OCIAD2: variants seen among roughly 807,000 people sequenced by gnomAD.
The protein encoded by OCIAD2 is OCIA domain-containing protein 2.
Under a neutral mutation model 22.9 loss-of-function variants are expected in OCIAD2, and 29 were observed. The observed-to-expected ratio is 1.27, with a 90% CI of 0.94 to 1.73. The LOEUF (loss-of-function observed/expected upper bound fraction) is 1.73, where lower values mean the gene tolerates loss of function less well. Among genes scored for constraint, OCIAD2 ranks in the 40% most tolerant of loss-of-function variants. The pLI, the probability that OCIAD2 is intolerant of heterozygous loss-of-function variation, is 0.00. For missense variants in OCIAD2, 189 were observed against 180.3 expected (o/e 1.05, Z -0.28); for synonymous variants, 67 against 60.2 (o/e 1.11, Z -0.52).
chr4:48,901,083 G>A (rs1430070656), intron 2 of OCIAD2, among the ~76,000 whole-genome samples: 2 of 151,964 alleles, frequency 1.3e-5, no homozygotes, highest in East Asian at 1.9e-4. Flanking sequence ...ATCCATTCTT[G>A]CAAAATGTTC....
At chr4:48,889,935 G>A (rs1236520461) in intron 6 of OCIAD2, among the ~76,000 whole-genome samples, 1 of 152,124 alleles carries the variant, frequency 6.6e-6, no homozygotes, top group Non-Finnish European at 1.5e-5. Flanking sequence ...CATAAAAAAG[G>A]ATGAGCTCAT....
chr4:48,900,155 G>GGT (rs1781385274), intron 2 of OCIAD2, among the ~76,000 whole-genome samples: 1 of 142,490 alleles, frequency 7.0e-6, no homozygotes, highest in Non-Finnish European at 1.6e-5. Flanking sequence ...TTCACTGACT[G>GGT]GCGCAGGCAG....
chr4:48,903,876 ACCTCGTGAT>A (rs1373975517), intron 2 of OCIAD2, among the ~76,000 whole-genome samples: 1 of 151,702 alleles, frequency 6.6e-6, no homozygotes, highest in Non-Finnish European at 1.5e-5. Context: ...CGATCTCTTG[ACCTCGTGAT>A]CCACCCGCCT....
At chr4:48,886,944 T>G (rs1305048233) in intron 6 of OCIAD2, among the ~76,000 whole-genome samples, 1 of 152,214 alleles carries the variant, frequency 6.6e-6, no homozygotes, top group Non-Finnish European at 1.5e-5. Flanking sequence ...TGAACTAGTT[T>G]ACAGTCCCAC....
At chr4:48,906,025 A>G (rs2109689082) in intron 1 of OCIAD2, among the ~76,000 whole-genome samples, 1 of 152,308 alleles carries the variant, frequency 6.6e-6, no homozygotes, top group Middle Eastern at 3.4e-3. Context: ...CCATTTCCTG[A>G]GCACTCCCAG....
At chr4:48,902,762 C>T (rs548121487) in intron 2 of OCIAD2, among the ~76,000 whole-genome samples, 1 of 152,084 alleles carries the variant, frequency 6.6e-6, no homozygotes, top group East Asian at 1.9e-4. Context: ...AGACCAGCCT[C>T]GCCAACATGG....
intron 6 of OCIAD2, among the ~76,000 whole-genome samples, 185 bp from the exon 7 acceptor site, chr4:48,885,750 A>T (rs1258824579): frequency 2.6e-5 from 4 of 152,104 alleles, no homozygotes; most frequent in Non-Finnish European, 5.9e-5. Context: ...CCTCTTGAGT[A>T]GCTGAGACTA....
In OCIAD2 at chr4:48,897,709, C is replaced by G. The variant is rs1046363547; in HGVS notation, c.217+95G>C. On this transcript the variant is annotated intron_variant, in intron 4 of 6. Transcript: ENST00000508632. ...AAGTCTGCATAAATACATCCTTCAC[C>G]AAAAAATAAATGTCAAGGGCCAAAA... The G allele has an allele frequency of 5.5e-6, 5 of 911,374 alleles. No homozygotes were observed. The African/African-American group carries it at 8.3e-5, about 15-fold the overall frequency. 56.5% of individuals were successfully genotyped at this position (911,374 alleles called of 1,614,324 possible).
chr4:48,904,613 T>C lies in OCIAD2; in HGVS notation c.-62-2A>G. On this transcript the variant is annotated splice_acceptor_variant, in intron 1 of 6. Coordinates refer to ENST00000508632, the MANE Select transcript of OCIAD2 (RefSeq NM_001014446.3). LOFTEE classifies it low-confidence loss of function (5UTR_SPLICE). Reference sequence around the variant, plus strand: ...TCTGCTTACTCCTTGACCCAGTGTCTAAGGAAGGTAGAAGAGAATCACTAT... The same window carrying C: ...TCTGCTTACTCCTTGACCCAGTGTCCAAGGAAGGTAGAAGAGAATCACTAT... 1 of 1,419,632 alleles carries C rather than the reference T, an allele frequency of 7.0e-7. No homozygotes were observed. The highest frequency in any genetic ancestry group is 1.1e-5 in the South Asian group (1 of 87,230). The allele number at this position is 1,419,632 out of a possible 1,614,324, so 87.9% of individuals were successfully genotyped here. A position where few individuals can be genotyped will look rare whatever the true frequency, so the allele number is the denominator to read the frequency against.
At chr4:48,901,104 G>T (rs969404015) in intron 2 of OCIAD2, among the ~76,000 whole-genome samples, 2 of 151,840 alleles carry the variant, frequency 1.3e-5, no homozygotes, top group African/African-American at 4.8e-5. Context: ...ATTATTTTGG[G>T]TGAATGTATC....
At chr4:48,892,059 C>T (rs1781191674) in intron 6 of OCIAD2, among the ~76,000 whole-genome samples, 1 of 152,168 alleles carries the variant, frequency 6.6e-6, no homozygotes, top group Non-Finnish European at 1.5e-5. Flanking sequence ...TTTGTTTTCA[C>T]CATATTGTGC....
chr4:48,899,188 T>A (rs916202801), intron 3 of OCIAD2, among the ~76,000 whole-genome samples: 2 of 152,196 alleles, frequency 1.3e-5, no homozygotes, highest in African/African-American at 4.8e-5. Flanking sequence ...ATATCAAGAC[T>A]GTATCTACAG....
Position 48,894,046 on chromosome 4 carries a change from C to CA in OCIAD2, c.224dup (p.Leu75PhefsTer4). 1 of 1,486,704 alleles carries CA rather than the reference C, an allele frequency of 6.7e-7. No homozygotes were observed. The allele number at this position is 1,486,704 out of a possible 1,614,324, so 92.1% of individuals were successfully genotyped here. On this transcript the variant is annotated frameshift_variant, in exon 5 of 7. Transcript: ENST00000508632. LOFTEE classifies it high-confidence loss of function. ...ATGATCCAAATCTAGAATTAGCTGC[C>CA]AAATAACCTAAGGAGTAATAAAGAA... is the stretch of plus-strand genomic sequence containing the variant.
At chr4:48,894,362 G>A (rs541714457) in intron 4 of OCIAD2, among the ~76,000 whole-genome samples, 97 of 152,122 alleles carry the variant, frequency 6.4e-4, no homozygotes, top group African/African-American at 2.3e-3. Context: ...GCATGATGGT[G>A]GGTGCCTGTA....
At chr4:48,889,459 C>T (rs1781100533) in intron 6 of OCIAD2, among the ~76,000 whole-genome samples, 1 of 152,210 alleles carries the variant, frequency 6.6e-6, no homozygotes, top group Non-Finnish European at 1.5e-5. Flanking sequence ...TATGAACAGA[C>T]ACTTCTTAAA....
chr4:48,900,034 T>C, intron 2 of OCIAD2, 109 bp from the exon 3 acceptor site: 1 of 701,270 alleles, frequency 1.4e-6, no homozygotes, highest in Non-Finnish European at 2.4e-6. Context: ...ACAGTGTGTG[T>C]TCTCTACCAG....
chr4:48,893,773 G>A (rs1579152219), intron 5 of OCIAD2: 4 of 278,726 alleles, frequency 1.4e-5, no homozygotes, highest in Non-Finnish European at 1.3e-5. Context: ...AGTCAATACA[G>A]GCAGTTTAGT....
intron 4 of OCIAD2, among the ~76,000 whole-genome samples, chr4:48,895,472 G>A (rs1781284338): frequency 6.6e-6 from 1 of 152,186 alleles, no homozygotes; most frequent in Non-Finnish European, 1.5e-5. Flanking sequence ...CATGTAGTGA[G>A]GGTTATCCCA....
intron 6 of OCIAD2, among the ~76,000 whole-genome samples, chr4:48,886,691 A>G (rs1293427760): frequency 1.3e-5 from 2 of 152,122 alleles, no homozygotes; most frequent in African/African-American, 4.8e-5. Flanking sequence ...TTATGGCTGC[A>G]TAGTATTCCA....
Sources: gnomAD v4.1 joint callset for allele counts (sites outside exome capture counted in the v4.1 genomes callset) on GRCh38, gnomAD v4.1.1 for gene constraint, MANE v1.5 for transcripts, NCBI Gene and HGNC (gene_info 2026-07-23, HGNC 2026-07-21) for gene names.